Variants in GMEB2 observed in about 807,000 individuals in gnomAD.
GMEB2 encodes glucocorticoid modulatory element-binding protein 2.
Under a neutral mutation model 45.7 loss-of-function variants are expected in GMEB2, and 7 were observed. The ratio of observed to expected loss-of-function variants is 0.15; its 90% CI spans 0.09 to 0.29. The LOEUF is 0.29. Among genes scored for constraint, GMEB2 ranks in the 10% least tolerant of loss-of-function variants. The pLI, the probability that GMEB2 is intolerant of heterozygous loss-of-function variation, is 1.00. For missense variants in GMEB2, 582 were observed against 739.2 expected (o/e 0.79, Z 2.47); for synonymous variants, 322 against 323.6 (o/e 1.00, Z 0.05).
Position 63,592,096 on chromosome 20 carries a change from A to T in GMEB2, c.878T>A (p.Leu293Gln). Residue 293 changes from leucine to glutamine, a missense_variant, in exon 9 of 10, where the codon CTG becomes CAG. By Grantham distance (113) the Leu-to-Gln change is moderately radical. This residue lies in a region of GMEB2 where 462 missense variants were observed against 586.7 expected (regional missense o/e 0.79). Transcript: ENST00000370077. This position sits in a 1 kb window ranked among gnomAD's most constrained non-coding sequence, Gnocchi z 8.2. ...GTGGCTGGCCAGCACCTTCTTCACC[A>T]GGTCCAGCATGCCGAAGTTCTGCAC... The part of the protein sequence containing the change: ...NIVQNFGMLD[L>Q]VKKVLASHKC... 6.2e-7 allele frequency: 1 copy of T among 1,613,580 alleles called. No individual in the cohort carries two copies. The highest frequency in any genetic ancestry group is 8.5e-7 in the Non-Finnish European group (1 of 1,179,764).
intron 1 of GMEB2, among the ~76,000 whole-genome samples, chr20:63,623,602 A>G (rs1277285142): frequency 6.7e-6 from 1 of 149,748 alleles, no homozygotes; most frequent in Admixed American, 6.6e-5. Flanking sequence ...TTCAAAGACC[A>G]GCCTGATCAA....
chr20:63,617,486 G>A (rs1193397692), intron 2 of GMEB2, among the ~76,000 whole-genome samples: 3 of 152,188 alleles, frequency 2.0e-5, no homozygotes, highest in Admixed American at 6.5e-5. Context: ...ACGGCAGCCC[G>A]AGCAGACTAA....
chr20:63,619,161 T>C lies in GMEB2; in HGVS notation c.131+106A>G. ...AGTCCAGTCTCAGAAGAACTGGAAC[T>C]AGAAAAATCCTGACACTTGTCCCTT... On this transcript the variant is annotated intron_variant, in intron 2 of 9. Transcript: ENST00000370077. This position sits in a 1 kb window ranked among gnomAD's most constrained non-coding sequence, Gnocchi z 4.6. 2.6e-6 allele frequency: 3 copies of C among 1,160,944 alleles called. No homozygotes were observed. Among genetic ancestry groups the C allele is most frequent in the Admixed American group, 2.7e-5 (1 of 37,602 alleles). The allele number at this position is 1,160,944 out of a possible 1,614,324, so 71.9% of individuals were successfully genotyped here. A position where few individuals can be genotyped will look rare whatever the true frequency, so the allele number is the denominator to read the frequency against.
intron 2 of GMEB2, among the ~76,000 whole-genome samples, chr20:63,606,424 T>C (rs2089519783): frequency 6.7e-6 from 1 of 148,734 alleles, no homozygotes; most frequent in Non-Finnish European, 1.5e-5. Context: ...CCCCGCCCAC[T>C]GCAAGCTCTG....
At chr20:63,610,494 C>A (rs1244088273) in intron 2 of GMEB2, among the ~76,000 whole-genome samples, 1 of 152,062 alleles carries the variant, frequency 6.6e-6, no homozygotes, top group Admixed American at 6.5e-5. Context: ...GCACTCCAGT[C>A]TGGGCGACAG....
Position 63,595,652 on chromosome 20 carries a change from T to G in GMEB2, c.577A>C (p.Thr193Pro), listed in dbSNP as rs1222081597. 3.2e-5 allele frequency: 52 copies of G among 1,613,534 alleles called. No homozygotes were observed. Among genetic ancestry groups the G allele is most frequent in the Non-Finnish European group, 4.4e-5 (52 of 1,179,784 alleles). Reference sequence around the variant, plus strand: ...GTGAGGGGAATGTACTCGGCCGACGTGGGGCTGCTCAGGGACACACGGGCT... The same window carrying G: ...GTGAGGGGAATGTACTCGGCCGACGGGGGGCTGCTCAGGGACACACGGGCT... ...SGARVSLSSPTSAEYIPLTPA... is the reference protein window; with the variant it reads ...SGARVSLSSPPSAEYIPLTPA... The change falls in exon 6 of 10, where the codon ACG becomes CCG. Residue 193 changes from threonine to proline, a missense_variant. By Grantham distance (38) the Thr-to-Pro change is conservative. Around this residue, in one of 3 missense-constraint regions of GMEB2, gnomAD observed 462 missense variants for 586.7 expected, o/e 0.79. Coordinates refer to ENST00000370077, the MANE Select transcript of GMEB2 (RefSeq NM_012384.5).
At position 63,609,744 on chromosome 20, in the gene GMEB2, T is replaced by C. The variant is rs143242874; in HGVS notation, c.132-4904A>G. On this transcript the variant is annotated intron_variant, in intron 2 of 9. Transcript: ENST00000370077. ...CCACACCTCCATTTCTAGAAACATGTCCCTCTGACCCCACCTCCATTTCTA... is the reference window on the plus strand; with the variant it reads ...CCACACCTCCATTTCTAGAAACATGCCCCTCTGACCCCACCTCCATTTCTA... Among the ~76,000 whole-genome samples, 154 of 24,810 alleles carry C rather than the reference T, an allele frequency of 6.2e-3. 4 individuals carry two copies. The highest frequency in any genetic ancestry group is 0.011 in the African/African-American group (56 of 4,888). The allele number at this position is 24,810 out of a possible 152,430, so 16.3% of individuals were successfully genotyped here. A position where few individuals can be genotyped will look rare whatever the true frequency, so the allele number is the denominator to read the frequency against.
rs1181163379 is a variant in GMEB2 at position 63,619,454 on chromosome 20, C to T, written c.-57G>A. On this transcript the variant is annotated splice_region_variant and 5_prime_UTR_variant, in exon 2 of 10. Transcript: ENST00000370077. This position sits in a 1 kb window ranked among gnomAD's most constrained non-coding sequence, Gnocchi z 4.6. The stretch of plus-strand genomic sequence containing the variant: ...GCGTCAGTCCTCCAGGGTCCCAAGT[C>T]CTGGAGGAAGCAAGGCAGGGCACAG... 3 of 1,581,252 alleles carry T rather than the reference C, an allele frequency of 1.9e-6. No homozygotes were observed. Among genetic ancestry groups the T allele is most frequent in the Non-Finnish European group, 2.6e-6 (3 of 1,167,282 alleles).
intron 1 of GMEB2, among the ~76,000 whole-genome samples, chr20:63,625,780 TAG>T (rs764064982): frequency 3.9e-5 from 6 of 152,104 alleles, no homozygotes; most frequent in Admixed American, 6.5e-5. Context: ...GTATTTTTAG[TAG>T]AGACAGGGTT....
In GMEB2 at chr20:63,588,502, C is replaced by T; in HGVS notation, c.*1587G>A. 1 of 376,244 alleles carries T rather than the reference C, an allele frequency of 2.7e-6. No homozygotes were observed. The highest frequency in any genetic ancestry group is 4.7e-6 in the Non-Finnish European group (1 of 212,010). The allele number at this position is 376,244 out of a possible 1,614,324, so 23.3% of individuals were successfully genotyped here. On this transcript the variant is annotated 3_prime_UTR_variant, in exon 10 of 10. Transcript: ENST00000370077. Reference sequence around the variant, plus strand: ...TCAAAAGATCAACATCACGCCGAAACCAGCTGACTGTGACAACAGCAAACA... The same window carrying T: ...TCAAAAGATCAACATCACGCCGAAATCAGCTGACTGTGACAACAGCAAACA...
intron 2 of GMEB2, among the ~76,000 whole-genome samples, chr20:63,614,788 T>C (rs1316298975): frequency 3.3e-5 from 5 of 151,722 alleles, no homozygotes; most frequent in Non-Finnish European, 5.9e-5. Flanking sequence ...TCTCTCTCTC[T>C]CCTCTCTCTC....
chr20:63,596,735 A>C (rs1267676613), intron 5 of GMEB2, among the ~76,000 whole-genome samples: 1 of 152,234 alleles, frequency 6.6e-6, no homozygotes, highest in Admixed American at 6.5e-5. Context: ...AGATAAGTGA[A>C]GGCCGGGCAC....
intron 5 of GMEB2, among the ~76,000 whole-genome samples, chr20:63,597,454 T>C (rs528223091): frequency 2.0e-5 from 3 of 152,300 alleles, no homozygotes; most frequent in Admixed American, 2.0e-4. Flanking sequence ...GTGAGCCATG[T>C]GCCCAGCCAA....
In GMEB2 at chr20:63,593,014, C is replaced by T. The variant is rs1353012413; in HGVS notation, c.688G>A (p.Gly230Arg). 1 of 1,605,224 alleles carries T rather than the reference C, an allele frequency of 6.2e-7. No homozygotes were observed. The highest frequency in any genetic ancestry group is 8.5e-7 in the Non-Finnish European group (1 of 1,173,654). The change falls in exon 7 of 10, where the codon GGA (glycine) becomes AGA (arginine). Residue 230 changes from glycine to arginine, a missense_variant. This residue lies in a region of GMEB2 where 462 missense variants were observed against 586.7 expected (regional missense o/e 0.79). Transcript: ENST00000370077. The surrounding 1 kb of genome is among the most constrained non-coding windows in gnomAD (Gnocchi z 4.7). ...EDPGDWTAAI[G>R]DDTFTFWRGL... ...CCCACAAGGAGGAACCTCGTACCTC[C>T]AATGGCCGCGGTCCAGTCGCCAGGG... is the stretch of plus-strand genomic sequence containing the variant.
At chr20:63,623,674 T>C (rs1471091223) in intron 1 of GMEB2, among the ~76,000 whole-genome samples, 1 of 152,024 alleles carries the variant, frequency 6.6e-6, no homozygotes, top group East Asian at 1.9e-4. Flanking sequence ...GGCAGGTGCC[T>C]GTAATCTCAG....
Position 63,590,155 on chromosome 20 carries a change from G to A in GMEB2, c.1527C>T (p.Pro509=), listed in dbSNP as rs771330766. Residue 509 remains proline (P), a synonymous_variant, in exon 10 of 10, where the codon CCC becomes CCT. Transcript: ENST00000370077. ...TGGTGGCCGTGTGCTCCTCAGGCCCGGGGGCAGCCCCTGCGGGCACTGTCA... is the reference window on the plus strand; with the variant it reads ...TGGTGGCCGTGTGCTCCTCAGGCCCAGGGGCAGCCCCTGCGGGCACTGTCA... ...TIVTVPAGAA[P]GPEEHTATIE... is the part of the protein sequence containing the mutation. 2.7e-5 allele frequency: 42 copies of A among 1,573,976 alleles called. No homozygotes were observed. The highest frequency in any genetic ancestry group is 4.1e-5 in the African/African-American group (3 of 73,972).
intron 2 of GMEB2, among the ~76,000 whole-genome samples, chr20:63,613,075 C>T (rs1472661347): frequency 1.3e-5 from 2 of 152,090 alleles, no homozygotes; most frequent in East Asian, 3.9e-4. Context: ...CATTCCCCTG[C>T]CTCAGCCTCC....
rs750681237 is a variant in GMEB2, at chr20:63,592,122, G to A, written c.852C>T (p.Ile284=). 5.6e-5 allele frequency: 91 copies of A among 1,613,370 alleles called. No individual in the cohort carries two copies. Among genetic ancestry groups the A allele is most frequent in the Non-Finnish European group, 7.5e-5 (88 of 1,179,744 alleles). Reference sequence around the variant, plus strand: ...GGTCCAGCATGCCGAAGTTCTGCACGATGTTGTTGAGAAGTACAGCATCTT... The same window carrying A: ...GGTCCAGCATGCCGAAGTTCTGCACAATGTTGTTGAGAAGTACAGCATCTT... ...QLRDAVLLNN[I]VQNFGMLDLV... is the part of the protein sequence containing the mutation. Residue 284 remains isoleucine (I), a synonymous_variant, in exon 9 of 10, where the codon ATC becomes ATT. Coordinates refer to ENST00000370077, the MANE Select transcript of GMEB2 (RefSeq NM_012384.5). This position sits in a 1 kb window ranked among gnomAD's most constrained non-coding sequence, Gnocchi z 8.2.
In GMEB2 at chr20:63,592,936, G is replaced by T; in HGVS notation, c.691+75C>A. 1 of 986,488 alleles carries T rather than the reference G, an allele frequency of 1.0e-6. No homozygotes were observed. The highest frequency in any genetic ancestry group is 1.6e-6 in the Non-Finnish European group (1 of 630,492). 61.1% of individuals were successfully genotyped at this position (986,488 alleles called of 1,614,324 possible). ...CCCCACCTGGACTCCTGGAGCCCCT[G>T]TGTGGCCCGAGGTGGGCAGAGACTC... On this transcript the variant is annotated intron_variant, in intron 7 of 9. Transcript: ENST00000370077. The surrounding 1 kb of genome is among the most constrained non-coding windows in gnomAD (Gnocchi z 8.2).
Sources: allele counts gnomAD v4.1 joint callset (sites outside exome capture counted in the v4.1 genomes callset), GRCh38; gene constraint gnomAD v4.1.1; regional missense constraint gnomAD v4.1.1; non-coding constraint Gnocchi (gnomAD v3.1); transcripts MANE v1.5; gene names NCBI Gene and HGNC (gene_info 2026-07-23, HGNC 2026-07-21).